The following CROCC variants were observed in gnomAD, a reference collection of about 807,000 sequenced individuals.
CROCC encodes rootletin.
A neutral mutation model predicts 245.2 loss-of-function variants in CROCC; 180 were observed. The ratio of observed to expected loss-of-function variants is 0.73; its 90% confidence interval spans 0.65 to 0.83. CROCC has a LOEUF of 0.83. Ranked by LOEUF, CROCC falls within the 40% of genes least tolerant of loss-of-function variation. The pLI is 0.00. For synonymous variants in CROCC, 1,205 were observed against 1,241.6 expected (o/e 0.97, Z 0.62); for missense variants, 2,688 against 2,779.4 (o/e 0.97, Z 0.74).
chr1:16,966,661 C>G lies in CROCC; in HGVS notation c.4860+90C>G. 1 of 1,375,420 alleles carries G rather than the reference C, an allele frequency of 7.3e-7. No individual in the cohort carries two copies. Among genetic ancestry groups the G allele is most frequent in the Non-Finnish European group, 9.5e-7 (1 of 1,051,928 alleles). The allele number at this position is 1,375,420 out of a possible 1,614,324, so 85.2% of individuals were successfully genotyped here. A position where few individuals can be genotyped will look rare whatever the true frequency, so the allele number is the denominator to read the frequency against. ...CTTATGTGTGTCTCCCTGTGTCTGT[C>G]TGCCTGAGTCTCTCTGCAACCCACT... On this transcript the variant is annotated intron_variant, in intron 30 of 36. Transcript: ENST00000375541. The surrounding 1 kb of genome is among the most constrained non-coding windows in gnomAD (Gnocchi z 4.8).
rs183424064 is a variant in CROCC, at chr1:16,957,385, C to T, written c.3865-1198C>T. On this transcript the variant is annotated intron_variant, in intron 25 of 36. Coordinates refer to ENST00000375541, the MANE Select transcript of CROCC (RefSeq NM_014675.5). ...TCGCATCACCGCACTCCAGCCTGGG[C>T]GACAAAGCAAGACCCTGACTCTAAA... Among the ~76,000 whole-genome samples the T allele has an allele frequency of 3.4e-3, 510 of 152,128 alleles. 4 individuals are homozygous for T. Among genetic ancestry groups the T allele is most frequent in the African/African-American group, 0.012 (496 of 41,504 alleles).
At position 16,946,779 on chromosome 1, in the gene CROCC, G is replaced by A. The variant is rs755588921; in HGVS notation, c.2302G>A (p.Ala768Thr). The A allele has an allele frequency of 2.1e-5, 32 of 1,551,526 alleles. No homozygotes were observed. Among genetic ancestry groups the A allele is most frequent in the South Asian group, 1.1e-4 (9 of 84,078 alleles). ...LVAQLEEEKS[A>T]LQGRQRQAEQ... ...CCTCCAGCTGGAGGAAGAAAAGTCC[G>A]CCCTGCAGGGCCGGCAACGGCAGGC... Residue 768 changes from alanine (A) to threonine (T), a missense_variant, in exon 17 of 37, where the codon GCC (alanine) becomes ACC (threonine). This residue lies in a region of CROCC where 295 missense variants were observed against 241.7 expected (regional missense o/e 1.22). Transcript: ENST00000375541.
rs1180269439 is a variant in CROCC at position 16,958,533 on chromosome 1, G to A, written c.3865-50G>A. ...CCAAGTGGCCTTGGGCCAGAACTGGGAGGGTACAGGGGCAGAGCTGAACCT... is the reference window on the plus strand; with the variant it reads ...CCAAGTGGCCTTGGGCCAGAACTGGAAGGGTACAGGGGCAGAGCTGAACCT... On this transcript the variant is annotated intron_variant, in intron 25 of 36. Transcript: ENST00000375541. 3.2e-6 allele frequency: 5 copies of A among 1,544,724 alleles called. No individual in the cohort carries two copies. In the South Asian group the frequency reaches 4.8e-5, roughly 15 times the overall value.
At chr1:16,914,388 T>C (rs1236878066) in intron 1 of CROCC, among the ~76,000 whole-genome samples, 6 of 152,246 alleles carry the variant, frequency 3.9e-5, no homozygotes, top group Non-Finnish European at 8.8e-5. Flanking sequence ...GACTGGGGCC[T>C]GCAGGGCGCA....
chr1:16,929,634 T>G (rs1230529113), intron 3 of CROCC, among the ~76,000 whole-genome samples: 4 of 152,280 alleles, frequency 2.6e-5, no homozygotes, highest in Non-Finnish European at 5.9e-5. Flanking sequence ...CATGTGTCCA[T>G]GCATGCCCCG....
chr1:16,930,813 G>A (rs1374003345), intron 7 of CROCC, among the ~76,000 whole-genome samples: 1 of 152,298 alleles, frequency 6.6e-6, no homozygotes, highest in East Asian at 1.9e-4. Context: ...ATAACTGCAT[G>A]TGGTAGGTGC....
At position 16,969,755 on chromosome 1, in the gene CROCC, A is replaced by G. The variant is rs534796598; in HGVS notation, c.5302-30A>G. 58 of 1,598,002 alleles carry G rather than the reference A, an allele frequency of 3.6e-5. No homozygotes were observed. The Middle Eastern group carries it at 5.1e-4, about 14-fold the overall frequency. ...GAGGACTCCTTAGGGCTCCCAGGCC[A>G]GCCAGGCACCATCAGCCCCTGTCCC... On this transcript the variant is annotated intron_variant, in intron 32 of 36. Coordinates refer to ENST00000375541, the MANE Select transcript of CROCC (RefSeq NM_014675.5).
At position 16,936,551 on chromosome 1, in the gene CROCC, G is replaced by T. The variant is rs377699020; in HGVS notation, c.957-86G>T. 5.2e-6 allele frequency: 7 copies of T among 1,348,396 alleles called. No individual in the cohort carries two copies. In the Admixed American group the frequency reaches 7.9e-5, roughly 15 times the overall value. 83.5% of individuals were successfully genotyped at this position (1,348,396 alleles called of 1,614,324 possible). A position where few individuals can be genotyped will look rare whatever the true frequency, so the allele number is the denominator to read the frequency against. ...CCTGAAGTGCTGGGATTATAGGTGT[G>T]AGCCACCACGCCCTGCCCAAGCATA... On this transcript the variant is annotated intron_variant, in intron 8 of 36. Coordinates refer to ENST00000375541, the MANE Select transcript of CROCC (RefSeq NM_014675.5).
In CROCC at chr1:16,954,199, C is replaced by T. The variant is rs1488272398; in HGVS notation, c.3187-24C>T. ...CCCAGGACCAGCCCATCCCCCAAGC[C>T]CTTTGTCCCCTGCCTCTGCCCAGGC... On this transcript the variant is annotated intron_variant, in intron 21 of 36. Coordinates refer to ENST00000375541, the MANE Select transcript of CROCC (RefSeq NM_014675.5). The surrounding 1 kb of genome is among the most constrained non-coding windows in gnomAD (Gnocchi z 4.4). The T allele has an allele frequency of 1.2e-6, 2 of 1,601,478 alleles. No homozygotes were observed. Among genetic ancestry groups the T allele is most frequent in the East Asian group, 4.5e-5 (2 of 44,690 alleles).
chr1:16,959,686 T>C lies in CROCC; in HGVS notation c.4032+936T>C, dbSNP rs534643315. Among the ~76,000 whole-genome samples, 12 of 152,250 alleles carry C rather than the reference T, an allele frequency of 7.9e-5. No individual in the cohort carries two copies. The South Asian group carries it at 2.5e-3, about 32-fold the overall frequency. ...GACCATGCATCCCATCAGGAAATGA[T>C]ATTTTAGTGCATGCCCCCATTGTGT... On this transcript the variant is annotated intron_variant, in intron 26 of 36. Transcript: ENST00000375541.
chr1:16,931,333 C>T lies in CROCC; in HGVS notation c.892C>T (p.Leu298Phe). 1.9e-6 allele frequency: 3 copies of T among 1,612,868 alleles called. No homozygotes were observed. Among genetic ancestry groups the T allele is most frequent in the Non-Finnish European group, 2.5e-6 (3 of 1,179,126 alleles). Reference sequence around the variant, plus strand: ...CAGCAACGAGCACAGTCGCCTGCTCCTCCTCTGGAGGCAGGTGGTGGGGTT... The same window carrying T: ...CAGCAACGAGCACAGTCGCCTGCTCTTCCTCTGGAGGCAGGTGGTGGGGTT... ...YFSNEHSRLL[L>F]LWRQVVGFRR... The change falls in exon 8 of 37, where the codon CTC (leucine) becomes TTC (phenylalanine). Residue 298 changes from leucine to phenylalanine, a missense_variant. By Grantham distance (22) the Leu-to-Phe change is conservative (BLOSUM62 0). Transcript: ENST00000375541.
intron 9 of CROCC, 72 bp downstream of exon 9, chr1:16,936,945 G>C: frequency 6.8e-7 from 1 of 1,461,066 alleles, no homozygotes; most frequent in Non-Finnish European, 9.4e-7. Context: ...TGGGGAGAAG[G>C]GAGCATCTGT....
intron 1 of CROCC, among the ~76,000 whole-genome samples, chr1:16,915,988 G>A (rs1403274622): frequency 6.6e-6 from 1 of 152,246 alleles, no homozygotes; most frequent in African/African-American, 2.4e-5. Flanking sequence ...AGACCAGCCT[G>A]GCCAATACAG....
intron 13 of CROCC, among the ~76,000 whole-genome samples, chr1:16,942,559 C>T (rs529513183): frequency 5.9e-5 from 9 of 152,398 alleles, no homozygotes; most frequent in African/African-American, 1.2e-4. Context: ...GGCTCTTGGC[C>T]GAGTGTTTTG....
intron 35 of CROCC, 104 bp from the exon 36 acceptor site, chr1:16,971,361 C>G (rs2076515638): frequency 7.1e-7 from 1 of 1,410,928 alleles, no homozygotes; most frequent in South Asian, 1.5e-5. Context: ...CCTGCCTTCC[C>G]CCTCTGCACT....
intron 15 of CROCC, 22 bp from the exon 16 acceptor site, chr1:16,946,237 T>G: frequency 6.2e-7 from 1 of 1,606,682 alleles, no homozygotes; most frequent in South Asian, 1.1e-5. Flanking sequence ...CTTTCCTCAT[T>G]TCTCGGGGCC....
At position 16,937,790 on chromosome 1, in the gene CROCC, G is replaced by T. The variant is rs546559909; in HGVS notation, c.1290+53G>T. 193 of 1,491,892 alleles carry T rather than the reference G, an allele frequency of 1.3e-4. No individual in the cohort carries two copies. In the South Asian group the frequency reaches 2.0e-3, roughly 15 times the overall value. 92.4% of individuals were successfully genotyped at this position (1,491,892 alleles called of 1,614,324 possible). On this transcript the variant is annotated intron_variant, in intron 10 of 36. Coordinates refer to ENST00000375541, the MANE Select transcript of CROCC (RefSeq NM_014675.5). The stretch of plus-strand genomic sequence containing the variant: ...GCAGGGTGAGATGGGGTACCGGCCA[G>T]ATCCATGGACGCAGGCTTAGGGCTG...
rs1276344869 is a variant in CROCC at position 16,946,864 on chromosome 1, A to T, written c.2387A>T (p.Glu796Val). Reference sequence around the variant, plus strand: ...GAACGGCTAGAGGAGCTGCGGTTGGAGCAGGAGGTGGCGCGGCAGGGCCTG... The same window carrying T: ...GAACGGCTAGAGGAGCTGCGGTTGGTGCAGGAGGTGGCGCGGCAGGGCCTG... ...EQERLEELRL[E>V]QEVARQGLEG... The change falls in exon 17 of 37, where the codon GAG becomes GTG. Residue 796 changes from glutamate to valine, a missense_variant. Transcript: ENST00000375541. 3 of 1,557,804 alleles carry T rather than the reference A, an allele frequency of 1.9e-6. No homozygotes were observed. The Admixed American group carries it at 5.8e-5, about 30-fold the overall frequency.
chr1:16,920,804 C>T (rs369874643), upstream of CROCC, among the ~76,000 whole-genome samples: 74 of 146,340 alleles, frequency 5.1e-4, no homozygotes, highest in African/African-American at 1.4e-3. Flanking sequence ...AGTGCAATGG[C>T]GCGATCTTGG....
Sources: gnomAD v4.1 joint callset for allele counts (sites outside exome capture counted in the v4.1 genomes callset) on GRCh38, gnomAD v4.1.1 for gene constraint, gnomAD v4.1.1 regional missense constraint, Gnocchi (gnomAD v3.1) non-coding constraint, MANE v1.5 for transcripts, NCBI Gene and HGNC (gene_info 2026-07-23, HGNC 2026-07-21) for gene names.